ANTXR1: variants seen among roughly 807,000 people sequenced by gnomAD.
ANTXR1 encodes the protein anthrax toxin receptor 1.
A neutral mutation model predicts 78.1 loss-of-function variants in ANTXR1; 19 were observed. That is an observed-to-expected ratio of 0.24 (90% CI 0.17 to 0.36). The LOEUF (loss-of-function observed/expected upper bound fraction) is 0.36. ANTXR1 is among the 10% of genes least tolerant of loss of function. The probability of loss-of-function intolerance (pLI) is 1.00; values close to 1 mark genes in which losing one functional copy is unlikely to be tolerated. For missense variants in ANTXR1, 518 were observed against 718.6 expected, an observed-to-expected ratio of 0.72 and a Z score of 3.19; for synonymous variants, 273 against 260.5, an observed-to-expected ratio of 1.05 and a Z score of -0.46.
In ANTXR1 at chr2:69,124,624, T is replaced by C. The variant is rs1234186213; in HGVS notation, c.932T>C (p.Ile311Thr). ...DGLSFISSSV[I>T]ITTTHCSDGS... The stretch of plus-strand genomic sequence containing the variant: ...CTCTCTTTTATCTCCAGTTCTGTCA[T>C]CATCACCACCACACACTGTGTAAGT... Residue 311 changes from isoleucine to threonine, a missense_variant, in exon 12 of 18, where the codon ATC (isoleucine) becomes ACC (threonine). Transcript: ENST00000303714. 6.2e-7 allele frequency: 1 copy of C among 1,614,252 alleles called. No individual in the cohort carries two copies. The highest frequency in any genetic ancestry group is 1.7e-5 in the Admixed American group (1 of 60,032).
intron 3 of ANTXR1, among the ~76,000 whole-genome samples, chr2:69,060,068 T>C (rs1670188902): frequency 6.6e-6 from 1 of 152,218 alleles, no homozygotes; most frequent in Admixed American, 6.5e-5. Context: ...TAAAAATTCC[T>C]TGATGGGCTC....
rs1380085913 is a variant in ANTXR1 at position 69,145,534 on chromosome 2, A to G, written c.952-6635A>G. 2.8e-6 allele frequency: 4 copies of G among 1,428,122 alleles called. No homozygotes were observed. In the African/African-American group the frequency reaches 5.7e-5, roughly 21 times the overall value. The allele number at this position is 1,428,122 out of a possible 1,614,324, so 88.5% of individuals were successfully genotyped here. ...ACTGAGTGCCCCAACATGGAAAGAA[A>G]CATCAGGAGGGACAGGAAACGTTCC... is the stretch of plus-strand genomic sequence containing the variant. On this transcript the variant is annotated intron_variant, in intron 12 of 17. Transcript: ENST00000303714.
At chr2:69,203,966 A>AT (rs1674835068) in intron 17 of ANTXR1, among the ~76,000 whole-genome samples, 2 of 152,216 alleles carry the variant, frequency 1.3e-5, no homozygotes, top group South Asian at 4.1e-4. Context: ...CTCCGACCTC[A>AT]TTTTTTCCCT....
At chr2:69,152,934 A>G (rs1673436605) in intron 13 of ANTXR1, among the ~76,000 whole-genome samples, 1 of 152,226 alleles carries the variant, frequency 6.6e-6, no homozygotes, top group Non-Finnish European at 1.5e-5. Flanking sequence ...CACCCTGACG[A>G]TAATCCCAAA....
chr2:69,189,357 T>C (rs2104471583), intron 16 of ANTXR1, among the ~76,000 whole-genome samples: 1 of 152,334 alleles, frequency 6.6e-6, no homozygotes, highest in South Asian at 2.1e-4. Context: ...TAGAAAGTAC[T>C]TATCCATCGG....
intron 12 of ANTXR1, among the ~76,000 whole-genome samples, chr2:69,148,655 T>TA (rs1310560432): frequency 9.2e-5 from 14 of 152,218 alleles, no homozygotes. Context: ...TGGCACACAG[T>TA]AAATGCTCAG....
chr2:69,245,458 C>T lies in ANTXR1; in HGVS notation c.1668C>T (p.Ser556=), dbSNP rs1244651135. 1 of 1,612,230 alleles carries T rather than the reference C, an allele frequency of 6.2e-7. No homozygotes were observed. The highest frequency in any genetic ancestry group is 8.5e-7 in the Non-Finnish European group (1 of 1,179,584). The change falls in exon 18 of 18, where the codon TCC becomes TCT. Residue 556 remains serine, a synonymous_variant. Coordinates refer to ENST00000303714, the MANE Select transcript of ANTXR1 (RefSeq NM_032208.3). ...APPPNRAPPP[S]RPPPRPSV ...CTCCCAACAGGGCACCTCCTCCCTC[C>T]CGCCCTCCTCCAAGGCCTTCTGTCT...
At chr2:69,063,458 G>A (rs1386556152) in intron 3 of ANTXR1, among the ~76,000 whole-genome samples, 1 of 151,928 alleles carries the variant, frequency 6.6e-6, no homozygotes, top group Non-Finnish European at 1.5e-5. Context: ...GACATTTTCA[G>A]AAGGGGGAAA....
intron 17 of ANTXR1, among the ~76,000 whole-genome samples, chr2:69,237,565 T>C (rs1675796023): frequency 6.6e-6 from 1 of 152,178 alleles, no homozygotes. Flanking sequence ...TAGCTAGGGC[T>C]AAAGGCACAC....
chr2:69,170,378 G>C, intron 14 of ANTXR1, 89 bp downstream of exon 14: 1 of 1,445,086 alleles, frequency 6.9e-7, no homozygotes, highest in South Asian at 1.1e-5. Flanking sequence ...TTAGCCCCCT[G>C]CAGAGCAGAG....
At chr2:69,034,032 A>G (rs1671604635) in intron 1 of ANTXR1, among the ~76,000 whole-genome samples, 1 of 152,232 alleles carries the variant, frequency 6.6e-6, no homozygotes, top group South Asian at 2.1e-4. Context: ...TACTCTTTGC[A>G]TATTAGACCC....
At chr2:69,032,586 G>T (rs1190716548) in intron 1 of ANTXR1, among the ~76,000 whole-genome samples, 1 of 152,176 alleles carries the variant, frequency 6.6e-6, no homozygotes, top group Admixed American at 6.5e-5. Flanking sequence ...TGAATCTGGC[G>T]AGTGTGAGGA....
At chr2:69,220,066 T>TG (rs1675283571) in intron 17 of ANTXR1, among the ~76,000 whole-genome samples, 1 of 152,198 alleles carries the variant, frequency 6.6e-6, no homozygotes, top group East Asian at 1.9e-4. Flanking sequence ...AAGCAATGGG[T>TG]GGCCAAGTAA....
At position 69,172,363 on chromosome 2, in the gene ANTXR1, G is replaced by T. The variant is rs1674011815; in HGVS notation, c.1089+2074G>T. 1.4e-5 allele frequency: 23 copies of T among 1,611,136 alleles called. No homozygotes were observed. The highest frequency in any genetic ancestry group is 1.9e-5 in the Non-Finnish European group (22 of 1,177,640). ...CTAATCTCCTTCCTAATGTATTTTG[G>T]CAGGAAAATAAAATAAAATAACAAG... On this transcript the variant is annotated intron_variant, in intron 14 of 17. Transcript: ENST00000303714.
intron 1 of ANTXR1, among the ~76,000 whole-genome samples, chr2:69,024,589 T>C (rs1216031381): frequency 6.6e-6 from 1 of 152,120 alleles, no homozygotes; most frequent in African/African-American, 2.4e-5. Flanking sequence ...GGGTGATCAT[T>C]CAGATGCTTT....
At chr2:69,242,575 A>C (rs1675920766) in intron 17 of ANTXR1, among the ~76,000 whole-genome samples, 1 of 152,202 alleles carries the variant, frequency 6.6e-6, no homozygotes, top group Non-Finnish European at 1.5e-5. Flanking sequence ...CAGCTCTAGA[A>C]GACATCTGAA....
intron 3 of ANTXR1, among the ~76,000 whole-genome samples, chr2:69,046,336 A>C (rs1669767123): frequency 6.6e-6 from 1 of 152,138 alleles, no homozygotes; most frequent in East Asian, 1.9e-4. Context: ...ATTTATAAAC[A>C]CTATCAGAAT....
At chr2:69,185,115 C>T (rs1027109129) in intron 16 of ANTXR1, among the ~76,000 whole-genome samples, 2 of 152,124 alleles carry the variant, frequency 1.3e-5, no homozygotes, top group African/African-American at 4.8e-5. Context: ...AAAGGTGGTC[C>T]CTGGAACAGC....
At chr2:69,044,687 G>T in intron 2 of ANTXR1, 55 bp from the exon 3 acceptor site, 1 of 1,565,492 alleles carries the variant, frequency 6.4e-7, no homozygotes, top group Non-Finnish European at 8.8e-7. Context: ...AGCCTGAAGG[G>T]AGTGGCATGC....
Sources: allele counts gnomAD v4.1 joint callset (sites outside exome capture counted in the v4.1 genomes callset), GRCh38; gene constraint gnomAD v4.1.1; transcripts MANE v1.5; gene names NCBI Gene and HGNC (gene_info 2026-07-23, HGNC 2026-07-21).